NOL10: variants seen among roughly 807,000 people sequenced by gnomAD.
The protein encoded by NOL10 is H_NH0074G24.1.
A neutral mutation model predicts 103.5 loss-of-function variants in NOL10; 58 were observed. That is an observed-to-expected ratio of 0.56 (90% confidence interval 0.45 to 0.70). The LOEUF is 0.70. Among genes scored for constraint, NOL10 ranks in the 30% least tolerant of loss-of-function variants. The pLI is 0.00. For missense variants in NOL10, 763 were observed against 807.3 expected (o/e 0.95, Z 0.67); for synonymous variants, 287 against 282.5 (o/e 1.02, Z -0.16).
At chr2:10,668,612 A>T in intron 7 of NOL10, 46 bp downstream of exon 7, 1 of 1,014,412 alleles carries the variant, frequency 9.9e-7, no homozygotes, top group Non-Finnish European at 1.5e-6. Flanking sequence ...ATCTGGCTCC[A>T]CCTCCTGGTC....
intron 12 of NOL10, among the ~76,000 whole-genome samples, chr2:10,653,024 C>A (rs191346616): frequency 6.6e-6 from 1 of 152,088 alleles, no homozygotes; most frequent in Non-Finnish European, 1.5e-5. Flanking sequence ...GGCGGAACCC[C>A]GTTTCTACTA....
rs1192791447 is a variant in NOL10, at chr2:10,671,609, C to T, written c.409G>A (p.Gly137Arg). 1 of 1,600,984 alleles carries T rather than the reference C, an allele frequency of 6.2e-7. No individual in the cohort carries two copies. Among genetic ancestry groups the T allele is most frequent in the Non-Finnish European group, 8.5e-7 (1 of 1,173,360 alleles). Residue 137 changes from glycine to arginine, a missense_variant, in exon 6 of 21, where the codon GGG becomes AGG. Coordinates refer to ENST00000381685, the MANE Select transcript of NOL10 (RefSeq NM_024894.4). The part of the protein sequence containing the change: ...FYYKTRIPKF[G>R]RDFSYHYPSC... ...GGATAGTGGTAAGAGAAATCTCTCCCAAACTTTGGTATTCTGGTTTTGTAG... is the reference window on the plus strand; with the variant it reads ...GGATAGTGGTAAGAGAAATCTCTCCTAAACTTTGGTATTCTGGTTTTGTAG...
chr2:10,649,069 A>C, intron 12 of NOL10, among the ~76,000 whole-genome samples: 1 of 152,182 alleles, frequency 6.6e-6, no homozygotes. Flanking sequence ...TGCCATTTTT[A>C]TTAGGCACAA....
intron 12 of NOL10, among the ~76,000 whole-genome samples, chr2:10,654,035 A>G (rs529627952): frequency 6.6e-6 from 1 of 152,332 alleles, no homozygotes; most frequent in East Asian, 1.9e-4. Context: ...TAAATTGCTG[A>G]ATAGCATACA....
At chr2:10,686,596 A>G (rs1230255027) in intron 1 of NOL10, among the ~76,000 whole-genome samples, 2 of 152,188 alleles carry the variant, frequency 1.3e-5, no homozygotes, top group African/African-American at 4.8e-5. Flanking sequence ...AAACTGAGAA[A>G]CTGCTTAGAA....
intron 12 of NOL10, among the ~76,000 whole-genome samples, chr2:10,650,895 C>T (rs1679413743): frequency 6.6e-6 from 1 of 152,196 alleles, no homozygotes; most frequent in Non-Finnish European, 1.5e-5. Flanking sequence ...GCACTGCTAA[C>T]ATCAGCCTCC....
In NOL10 at chr2:10,593,423, C is replaced by T. The variant is rs553590911; in HGVS notation, c.1423-3672G>A. 1.1e-4 allele frequency among the ~76,000 whole-genome samples: 16 copies of T among 152,282 alleles called. No homozygotes were observed. The South Asian group carries it at 2.9e-3, about 28-fold the overall frequency. Reference sequence around the variant, plus strand: ...AAGTGCTGGGATTACAGGCGTGAGCCACTGCACCCCGGCCAATCAAATTAG... The same window carrying T: ...AAGTGCTGGGATTACAGGCGTGAGCTACTGCACCCCGGCCAATCAAATTAG... On this transcript the variant is annotated intron_variant, in intron 17 of 20. Transcript: ENST00000381685.
intron 12 of NOL10, among the ~76,000 whole-genome samples, chr2:10,644,700 A>G (rs1205578192): frequency 6.6e-6 from 1 of 152,242 alleles, no homozygotes; most frequent in East Asian, 1.9e-4. Context: ...ACTCCCTCAC[A>G]GGGAATTATA....
chr2:10,609,820 G>C (rs977495572), intron 13 of NOL10, among the ~76,000 whole-genome samples: 51 of 152,218 alleles, frequency 3.4e-4, no homozygotes, highest in African/African-American at 1.2e-3. Flanking sequence ...TGCTATTATT[G>C]CTTTTTTAGA....
chr2:10,626,758 AAGT>A (rs199516524), intron 13 of NOL10, among the ~76,000 whole-genome samples: 30,240 of 151,938 alleles, frequency 0.2, 3,908 homozygotes, highest in Non-Finnish European at 0.29. Context: ...TCTGAATAGG[AAGT>A]TGTCATTTAT....
chr2:10,616,558 T>G (rs1287133029), intron 13 of NOL10, among the ~76,000 whole-genome samples: 1 of 137,868 alleles, frequency 7.3e-6, no homozygotes, highest in Admixed American at 7.3e-5. Flanking sequence ...CATTTTTTTT[T>G]GTTTTTTTGA....
chr2:10,677,063 C>G (rs1221662271), intron 3 of NOL10, among the ~76,000 whole-genome samples: 1 of 151,292 alleles, frequency 6.6e-6, no homozygotes. Flanking sequence ...CTCAGCCTCC[C>G]AAGTAGCTGG....
chr2:10,598,791 CAAAAGAAAT>C (rs1558280011), intron 17 of NOL10, among the ~76,000 whole-genome samples: 2 of 109,246 alleles, frequency 1.8e-5, no homozygotes, highest in East Asian at 5.4e-4. Context: ...GTACTATTGA[CAAAAGAAAT>C]AAAAGAAAGA....
At chr2:10,601,026 T>G in intron 16 of NOL10, 84 bp from the exon 17 acceptor site, 2 of 776,224 alleles carry the variant, frequency 2.6e-6, no homozygotes, top group South Asian at 3.5e-5. Context: ...AACAGTTGTG[T>G]AAGTATAATT....
chr2:10,610,181 ATTG>A (rs1676475814), intron 13 of NOL10, among the ~76,000 whole-genome samples: 1 of 152,196 alleles, frequency 6.6e-6, no homozygotes, highest in Non-Finnish European at 1.5e-5. Flanking sequence ...CTCAAAATAA[ATTG>A]TTCCACCTTT....
At chr2:10,617,328 A>G (rs776548123) in intron 13 of NOL10, among the ~76,000 whole-genome samples, 28 of 152,174 alleles carry the variant, frequency 1.8e-4, no homozygotes, top group Admixed American at 2.6e-4. Flanking sequence ...ATTCATGAGG[A>G]TCACTCTGGC....
At chr2:10,612,606 G>A (rs1438872841) in intron 13 of NOL10, among the ~76,000 whole-genome samples, 5 of 152,042 alleles carry the variant, frequency 3.3e-5, no homozygotes, top group East Asian at 1.9e-4. Context: ...AGGTTCAAGC[G>A]ATTCTCATAC....
intron 9 of NOL10, among the ~76,000 whole-genome samples, chr2:10,661,257 T>C (rs951034176): frequency 2.6e-5 from 4 of 151,856 alleles, no homozygotes; most frequent in Non-Finnish European, 4.4e-5. Flanking sequence ...GTATTTTTAG[T>C]AGAGACAGGG....
intron 13 of NOL10, among the ~76,000 whole-genome samples, chr2:10,636,733 A>G (rs2148259723): frequency 6.6e-6 from 1 of 152,294 alleles, no homozygotes; most frequent in South Asian, 2.1e-4. Flanking sequence ...ACTTGAAAAA[A>G]GATACCATCT....
Sources: gnomAD v4.1 joint callset for allele counts (sites outside exome capture counted in the v4.1 genomes callset) on GRCh38, gnomAD v4.1.1 for gene constraint, MANE v1.5 for transcripts, NCBI Gene and HGNC (gene_info 2026-07-23, HGNC 2026-07-21) for gene names.